The following KCNIP4 variants were observed in gnomAD, a reference collection of about 807,000 sequenced individuals.
KCNIP4 encodes potassium voltage-gated channel interacting protein 4.
In KCNIP4, 12 loss-of-function variants were observed where a neutral mutation model predicts 34.0. That is an observed-to-expected ratio of 0.35 (90% CI 0.23 to 0.57). The LOEUF (loss-of-function observed/expected upper bound fraction) is 0.57, where lower values mean the gene tolerates loss of function less well. Among genes scored for constraint, KCNIP4 ranks in the 20% least tolerant of loss-of-function variants. The pLI, the probability that KCNIP4 is intolerant of heterozygous loss-of-function variation, is 0.83. For missense variants in KCNIP4, 238 were observed against 311.7 expected, an observed-to-expected ratio of 0.76 and a Z score of 1.78; for synonymous variants, 124 against 102.2, an observed-to-expected ratio of 1.21 and a Z score of -1.29.
In KCNIP4 at chr4:21,130,560, G is replaced by A. The variant is rs547091734; in HGVS notation, c.62-247851C>T. ...TTCCTTGAACATGAAGACAAGCCAT[G>A]GAAATTGTTTGTTTGTATTCATAGT... On this transcript the variant is annotated intron_variant, in intron 1 of 8. Coordinates refer to ENST00000382152, the MANE Select transcript of KCNIP4 (RefSeq NM_025221.6). Among the ~76,000 whole-genome samples the A allele has an allele frequency of 9.2e-5, 14 of 152,256 alleles. No individual in the cohort carries two copies. The South Asian group carries it at 2.9e-3, about 32-fold the overall frequency.
chr4:21,543,420 T>C (rs1269757981), intron 1 of KCNIP4, among the ~76,000 whole-genome samples: 1 of 151,458 alleles, frequency 6.6e-6, no homozygotes, highest in Non-Finnish European at 1.5e-5. Context: ...TAAGCATGTA[T>C]TTTTTTTTCA....
At chr4:21,694,210 G>A (rs116081628) in intron 1 of KCNIP4, among the ~76,000 whole-genome samples, 2,174 of 152,220 alleles carry the variant, frequency 0.014, 41 homozygotes, top group African/African-American at 0.042. Context: ...TAGAAGTGTC[G>A]TATTCTTGGA....
chr4:21,911,640 ACACACAC>A (rs1728336296), intron 1 of KCNIP4, among the ~76,000 whole-genome samples: 1 of 121,118 alleles, frequency 8.3e-6, no homozygotes, highest in Non-Finnish European at 1.9e-5. Flanking sequence ...ACACACACAC[ACACACAC>A]ACACACACAG....
At chr4:21,024,254 T>C (rs192279516) in intron 1 of KCNIP4, among the ~76,000 whole-genome samples, 19 of 152,324 alleles carry the variant, frequency 1.2e-4, no homozygotes, top group Admixed American at 4.6e-4. Flanking sequence ...ACAATGAATT[T>C]TTGAGTATCA....
At chr4:21,417,293 G>T (rs1305797597) in intron 1 of KCNIP4, among the ~76,000 whole-genome samples, 4 of 151,946 alleles carry the variant, frequency 2.6e-5, no homozygotes, top group African/African-American at 9.7e-5. Flanking sequence ...GTGTGTGTGT[G>T]TCTGTTTGTC....
At chr4:20,767,553 A>C (rs1293288779) in intron 3 of KCNIP4, among the ~76,000 whole-genome samples, 1 of 152,214 alleles carries the variant, frequency 6.6e-6, no homozygotes, top group African/African-American at 2.4e-5. Context: ...CCTTATAAGG[A>C]AACCTTTCAG....
At chr4:21,571,990 T>A (rs968753757) in intron 1 of KCNIP4, among the ~76,000 whole-genome samples, 1 of 152,158 alleles carries the variant, frequency 6.6e-6, no homozygotes, top group Non-Finnish European at 1.5e-5. Flanking sequence ...TCCAAAAGTA[T>A]AGGTATTTTA....
At chr4:21,637,644 A>T (rs942500420) in intron 1 of KCNIP4, among the ~76,000 whole-genome samples, 11 of 151,906 alleles carry the variant, frequency 7.2e-5, no homozygotes, top group African/African-American at 2.7e-4. Context: ...TTAGCTGGGC[A>T]TGGTGGCGCA....
chr4:20,923,427 A>C lies in KCNIP4; in HGVS notation c.62-40718T>G, dbSNP rs530544733. 5.1e-4 allele frequency among the ~76,000 whole-genome samples: 78 copies of C among 152,274 alleles called. 2 individuals are homozygous for C. In the South Asian group the frequency reaches 0.016, roughly 31 times the overall value. On this transcript the variant is annotated intron_variant, in intron 1 of 8. Coordinates refer to ENST00000382152, the MANE Select transcript of KCNIP4 (RefSeq NM_025221.6). ...ATGAGGTATCTGCAGTGGATACTGA[A>C]TCATCAATATCTTCTGCATGGAACT...
At chr4:21,157,542 C>T (rs1281511407) in intron 1 of KCNIP4, among the ~76,000 whole-genome samples, 1 of 151,752 alleles carries the variant, frequency 6.6e-6, no homozygotes, top group Non-Finnish European at 1.5e-5. Context: ...TCGGAGATAC[C>T]TGGAATGAAT....
At chr4:21,360,611 A>G (rs1719116157) in intron 1 of KCNIP4, among the ~76,000 whole-genome samples, 1 of 152,112 alleles carries the variant, frequency 6.6e-6, no homozygotes. Flanking sequence ...CTTTAAACTA[A>G]CAATGAACCT....
chr4:20,815,694 G>A (rs1326976511), intron 3 of KCNIP4, among the ~76,000 whole-genome samples: 2 of 152,140 alleles, frequency 1.3e-5, no homozygotes, highest in African/African-American at 4.8e-5. Flanking sequence ...TGTATGAAAT[G>A]TTAGACATTG....
chr4:21,756,472 T>A (rs571718905), intron 1 of KCNIP4, among the ~76,000 whole-genome samples: 1 of 151,196 alleles, frequency 6.6e-6, no homozygotes, highest in South Asian at 2.1e-4. Flanking sequence ...GAGAATTGCT[T>A]GAACCCAGGA....
chr4:21,507,334 G>T (rs1046683180), intron 1 of KCNIP4, among the ~76,000 whole-genome samples: 1 of 150,668 alleles, frequency 6.6e-6, no homozygotes, highest in African/African-American at 2.4e-5. Flanking sequence ...GCTCGATCTT[G>T]GCTCACTGCA....
chr4:21,286,009 G>A (rs950769823), intron 1 of KCNIP4, among the ~76,000 whole-genome samples: 7 of 152,128 alleles, frequency 4.6e-5, no homozygotes, highest in Admixed American at 1.3e-4. Context: ...GAAATTGCTC[G>A]CCAGAGCACT....
intron 1 of KCNIP4, among the ~76,000 whole-genome samples, chr4:21,598,789 G>C: frequency 6.6e-6 from 1 of 152,000 alleles, no homozygotes; most frequent in East Asian, 1.9e-4. Context: ...TGCACCAGTG[G>C]GGTCTCCCAA....
At chr4:20,850,241 G>T (rs1720862504) in intron 3 of KCNIP4, 1 of 191,874 alleles carries the variant, frequency 5.2e-6, no homozygotes, top group Admixed American at 5.8e-5. Context: ...GGAAACAATG[G>T]AAGTTTAATG....
At chr4:21,569,778 C>G (rs1010808354) in intron 1 of KCNIP4, among the ~76,000 whole-genome samples, 3 of 152,040 alleles carry the variant, frequency 2.0e-5, no homozygotes, top group Non-Finnish European at 2.9e-5. Context: ...TGCTACCATT[C>G]TTCAGGCCAG....
At chr4:20,748,565 TATA>T (rs1752893918) in intron 5 of KCNIP4, among the ~76,000 whole-genome samples, 2 of 4,022 alleles carry the variant, frequency 5.0e-4, no homozygotes, top group African/African-American at 1.3e-3. Context: ...AAATTTTATA[TATA>T]TATATATATA....
Sources: gnomAD v4.1 joint callset for allele counts (sites outside exome capture counted in the v4.1 genomes callset) on GRCh38, gnomAD v4.1.1 for gene constraint, MANE v1.5 for transcripts, NCBI Gene and HGNC (gene_info 2026-07-23, HGNC 2026-07-21) for gene names.